GTF3A: variants seen among roughly 807,000 people sequenced by gnomAD.
GTF3A encodes transcription factor IIIA.
GTF3A carries 40 observed loss-of-function variants against 37.6 expected under a neutral mutation model. The observed-to-expected ratio is 1.06, with a 90% confidence interval of 0.83 to 1.38. The LOEUF (loss-of-function observed/expected upper bound fraction) is 1.38, where lower values mean the gene tolerates loss of function less well. Among genes scored for constraint, GTF3A ranks in the 40% most tolerant of loss-of-function variants. The pLI is 0.00. For missense variants in GTF3A, 500 were observed against 462.6 expected (o/e 1.08, Z -0.74); for synonymous variants, 191 against 166.7 (o/e 1.15, Z -1.12).
intron 4 of GTF3A, among the ~76,000 whole-genome samples, chr13:27,431,694 A>C (rs1953658992): frequency 6.6e-6 from 1 of 152,130 alleles, no homozygotes; most frequent in Non-Finnish European, 1.5e-5. Flanking sequence ...ATGCTGCTTG[A>C]GTGATGGTGC....
At chr13:27,428,061 G>A (rs1253180797) in intron 2 of GTF3A, among the ~76,000 whole-genome samples, 1 of 152,112 alleles carries the variant, frequency 6.6e-6, no homozygotes, top group Non-Finnish European at 1.5e-5. Context: ...ATTGCTTTGA[G>A]GCCAGGAGTT....
At chr13:27,427,226 G>A in intron 2 of GTF3A, 34 bp downstream of exon 2, 1 of 983,698 alleles carries the variant, frequency 1.0e-6, no homozygotes, top group South Asian at 1.3e-5. Context: ...CTTTTGAAGT[G>A]GGTTGTGTTG....
At chr13:27,435,341 C>A (rs1274183005) in intron 8 of GTF3A, 92 bp from the exon 9 acceptor site, 2 of 1,354,080 alleles carry the variant, frequency 1.5e-6, no homozygotes, top group Non-Finnish European at 2.1e-6. Context: ...CAATGTTGTA[C>A]ACTATATCTG....
At chr13:27,426,250 C>G (rs1953604513) in intron 1 of GTF3A, 1 of 152,324 alleles carries the variant, frequency 6.6e-6, no homozygotes, top group Middle Eastern at 3.4e-3. Context: ...CTTTGTTGTC[C>G]CAGATCTCTC....
Position 27,424,725 on chromosome 13 carries a change from A to G in GTF3A, c.-13A>G, listed in dbSNP as rs1220998357. On this transcript the variant is annotated 5_prime_UTR_variant, in exon 1 of 9. Transcript: ENST00000381140. ...GCAGCGCGCCTGGCCCTGGGCTTGG[A>G]GGCGCCGGCGCCCTGGATCCGCCGG... 2.8e-6 allele frequency: 4 copies of G among 1,430,558 alleles called. No individual in the cohort carries two copies. The highest frequency in any genetic ancestry group is 1.5e-5 in the African/African-American group (1 of 66,830). The allele number at this position is 1,430,558 out of a possible 1,614,324, so 88.6% of individuals were successfully genotyped here. A position where few individuals can be genotyped will look rare whatever the true frequency, so the allele number is the denominator to read the frequency against.
chr13:27,432,034 A>AT (rs1270637329), intron 4 of GTF3A, among the ~76,000 whole-genome samples: 1 of 152,256 alleles, frequency 6.6e-6, no homozygotes, highest in Non-Finnish European at 1.5e-5. Context: ...GACACTCATT[A>AT]TGCTTTTCCT....
chr13:27,425,107 C>T, intron 1 of GTF3A, 169 bp downstream of exon 1: 3 of 534,260 alleles, frequency 5.6e-6, no homozygotes, highest in Non-Finnish European at 1.0e-5. Flanking sequence ...GTAGGACCTT[C>T]GTTCTGCGAC....
rs761827136 is a variant in GTF3A at position 27,430,616 on chromosome 13, A to G, written c.483A>G (p.Leu161=). The change falls in exon 4 of 9, where the codon CTA becomes CTG. Residue 161 remains leucine, a synonymous_variant. Coordinates refer to ENST00000381140, the MANE Select transcript of GTF3A (RefSeq NM_002097.3). ...AGTGCCAGCATACCAATGAACCTCTATTCAAGTAGGTACTTCATGTGGCTG... is the reference window on the plus strand; with the variant it reads ...AGTGCCAGCATACCAATGAACCTCTGTTCAAGTAGGTACTTCATGTGGCTG... 4 of 1,594,314 alleles carry G rather than the reference A, an allele frequency of 2.5e-6. No homozygotes were observed. Among genetic ancestry groups the G allele is most frequent in the Non-Finnish European group, 1.7e-6 (2 of 1,162,394 alleles).
rs770374955 is a variant in GTF3A at position 27,432,704 on chromosome 13, C to T, written c.489-27C>T. 44 of 1,572,920 alleles carry T rather than the reference C, an allele frequency of 2.8e-5. No individual in the cohort carries two copies. The South Asian group carries it at 4.2e-4, about 15-fold the overall frequency. On this transcript the variant is annotated intron_variant, in intron 4 of 8. Transcript: ENST00000381140. ...GGAGTTCTCTGTGAAAATGGATTGGCTAATACCTCATGTGTTGCCAATGCA... is the reference window on the plus strand; with the variant it reads ...GGAGTTCTCTGTGAAAATGGATTGGTTAATACCTCATGTGTTGCCAATGCA...
intron 5 of GTF3A, 151 bp from the exon 6 acceptor site, chr13:27,433,988 T>G (rs542913652): frequency 3.5e-6 from 2 of 577,608 alleles, no homozygotes; most frequent in African/African-American, 1.9e-5. Flanking sequence ...CATCAATCTT[T>G]TTTTAGTTTT....
In GTF3A at chr13:27,427,203, A is replaced by G; in HGVS notation, c.302+11A>G. ...AGAAAAGCCGTTTGTGTAAGTAGAGACCTGTTTTTAGGCTTTTGAAGTGGG... is the reference window on the plus strand; with the variant it reads ...AGAAAAGCCGTTTGTGTAAGTAGAGGCCTGTTTTTAGGCTTTTGAAGTGGG... On this transcript the variant is annotated intron_variant, in intron 2 of 8. Transcript: ENST00000381140. The G allele has an allele frequency of 9.9e-6, 14 of 1,408,962 alleles. No individual in the cohort carries two copies. Among genetic ancestry groups the G allele is most frequent in the Non-Finnish European group, 1.2e-5 (12 of 998,324 alleles). 87.3% of individuals were successfully genotyped at this position (1,408,962 alleles called of 1,614,324 possible). A position where few individuals can be genotyped will look rare whatever the true frequency, so the allele number is the denominator to read the frequency against.
chr13:27,435,238 G>T lies in GTF3A; in HGVS notation c.933+46G>T, dbSNP rs959664472. 1.7e-5 allele frequency: 26 copies of T among 1,494,862 alleles called. No homozygotes were observed. The African/African-American group carries it at 3.0e-4, about 17-fold the overall frequency. The allele number at this position is 1,494,862 out of a possible 1,614,324, so 92.6% of individuals were successfully genotyped here. A position where few individuals can be genotyped will look rare whatever the true frequency, so the allele number is the denominator to read the frequency against. On this transcript the variant is annotated intron_variant, in intron 8 of 8. Coordinates refer to ENST00000381140, the MANE Select transcript of GTF3A (RefSeq NM_002097.3). ...CAAGCTTAGTTTTCAAGTGGAAATT[G>T]TTTAAGGCCAGAAGGAGTCTGTTTG...
chr13:27,432,737 C>T lies in GTF3A; in HGVS notation c.495C>T (p.Thr165=). Residue 165 remains threonine, a synonymous_variant, in exon 5 of 9, where the codon ACC becomes ACT. Coordinates refer to ENST00000381140, the MANE Select transcript of GTF3A (RefSeq NM_002097.3). The stretch of plus-strand genomic sequence containing the variant: ...TCATGTGTTGCCAATGCAGGTGTAC[C>T]CAGGAAGGATGTGGGAAACACTTTG... The T allele has an allele frequency of 6.2e-7, 1 of 1,603,964 alleles. No individual in the cohort carries two copies. Among genetic ancestry groups the T allele is most frequent in the South Asian group, 1.1e-5 (1 of 89,012 alleles).
At position 27,435,574 on chromosome 13, in the gene GTF3A, G is replaced by A. The variant is rs747831458; in HGVS notation, c.1075G>A (p.Val359Ile). 3.7e-6 allele frequency: 6 copies of A among 1,613,646 alleles called. No homozygotes were observed. In the South Asian group the frequency reaches 6.6e-5, roughly 18 times the overall value. ...TGTGGAAGACAAGATGCTCTCGACA[G>A]TTGCAGTACTTACCCTTGGCTAAGA... The change falls in exon 9 of 9, where the codon GTT (valine) becomes ATT (isoleucine). Residue 359 changes from valine (V) to isoleucine (I), a missense_variant. By Grantham distance (29) the Val-to-Ile change is conservative. Coordinates refer to ENST00000381140, the MANE Select transcript of GTF3A (RefSeq NM_002097.3).
intron 2 of GTF3A, among the ~76,000 whole-genome samples, chr13:27,427,399 G>A (rs1193377358): frequency 6.6e-6 from 1 of 152,112 alleles, no homozygotes; most frequent in African/African-American, 2.4e-5. Context: ...GCAACATGGT[G>A]AAACCCCGTA....
intron 6 of GTF3A, 75 bp from the exon 7 acceptor site, chr13:27,434,730 A>C (rs1038425003): frequency 4.8e-5 from 36 of 743,226 alleles, no homozygotes; most frequent in Non-Finnish European, 7.3e-5. Flanking sequence ...AATGTTACTT[A>C]TATATTAGGT....
At chr13:27,425,013 C>A in intron 1 of GTF3A, 75 bp downstream of exon 1, 2 of 1,079,240 alleles carry the variant, frequency 1.9e-6, no homozygotes, top group Non-Finnish European at 2.7e-6. Context: ...CAGTCGTGGC[C>A]AGGGCCGCAG....
Position 27,435,641 on chromosome 13 carries a change from G to C in GTF3A, c.*44G>C. On this transcript the variant is annotated 3_prime_UTR_variant, in exon 9 of 9. Coordinates refer to ENST00000381140, the MANE Select transcript of GTF3A (RefSeq NM_002097.3). ...TAAAGGACTGCAGACCAAGGAGCGA[G>C]CTTTCTCTCAGAGCATGCTTTTCTT... The C allele has an allele frequency of 1.9e-6, 3 of 1,612,406 alleles. No individual in the cohort carries two copies. Among genetic ancestry groups the C allele is most frequent in the Non-Finnish European group, 2.5e-6 (3 of 1,178,682 alleles).
Position 27,427,164 on chromosome 13 carries a change from C to G in GTF3A, c.274C>G (p.Leu92Val), listed in dbSNP as rs755247150. 6.2e-7 allele frequency: 1 copy of G among 1,600,782 alleles called. No homozygotes were observed. ...GGACTACCATCTGAGCCGCCACATT[C>G]TGACTCACACAGGAGAAAAGCCGTT... is the stretch of plus-strand genomic sequence containing the variant. The change falls in exon 2 of 9, where the codon CTG (leucine) becomes GTG (valine). Residue 92 changes from leucine (L) to valine (V), a missense_variant. Leu to Val is a conservative substitution (Grantham distance 32, BLOSUM62 1). Transcript: ENST00000381140.
Sources: allele counts gnomAD v4.1 joint callset (sites outside exome capture counted in the v4.1 genomes callset), GRCh38; gene constraint gnomAD v4.1.1; transcripts MANE v1.5; gene names NCBI Gene and HGNC (gene_info 2026-07-23, HGNC 2026-07-21).